MALRD1: variants seen among roughly 807,000 people sequenced by gnomAD.
MALRD1 encodes the protein MAM and LDL receptor class A domain containing 1.
MALRD1 carries 247 observed loss-of-function variants against 242.1 expected under a neutral mutation model. The ratio of observed to expected loss-of-function variants is 1.02; its 90% CI spans 0.92 to 1.13. MALRD1 has a LOEUF of 1.13. Among genes scored for constraint, MALRD1 ranks in the 50% most tolerant of loss-of-function variants. The probability of loss-of-function intolerance (pLI) is 0.00; values close to 1 mark genes in which losing one functional copy is unlikely to be tolerated. For synonymous variants in MALRD1, 995 were observed against 866.6 expected, an observed-to-expected ratio of 1.15 and a Z score of -2.60; for missense variants, 2,989 against 2,533.1, an observed-to-expected ratio of 1.18 and a Z score of -3.86.
intron 33 of MALRD1, among the ~76,000 whole-genome samples, chr10:19,586,415 C>G (rs1016444015): frequency 6.6e-6 from 1 of 152,082 alleles, no homozygotes; most frequent in African/African-American, 2.4e-5. Context: ...GTGTGGATGT[C>G]CTTTCTGTTT....
chr10:19,368,875 GTGTGTGTGTGTGTGTT>G (rs902577440), intron 26 of MALRD1, among the ~76,000 whole-genome samples: 1 of 141,610 alleles, frequency 7.1e-6, no homozygotes, highest in Non-Finnish European at 1.5e-5. Context: ...TTGTGTATGT[GTGTGTGTGTGTGTGTT>G]TGTGTGTGTG....
Position 19,504,714 on chromosome 10 carries a change from C to T in MALRD1, c.5320+6068C>T, listed in dbSNP as rs542339403. ...TTTTTGAGACGGAGTCTCGCTCTGT[C>T]GCCCAGGCCGGACTGCGGACTGCAG... On this transcript the variant is annotated intron_variant, in intron 31 of 39. Transcript: ENST00000454679. Among the ~76,000 whole-genome samples, 11 of 116,246 alleles carry T rather than the reference C, an allele frequency of 9.5e-5. No homozygotes were observed. In the South Asian group the frequency reaches 1.7e-3, roughly 18 times the overall value. 76.3% of individuals were successfully genotyped at this position (116,246 alleles called of 152,430 possible).
At chr10:19,484,074 G>A (rs1837136292) in intron 29 of MALRD1, among the ~76,000 whole-genome samples, 1 of 152,124 alleles carries the variant, frequency 6.6e-6, no homozygotes. Flanking sequence ...TAAACCTTGG[G>A]TGCTCATGGA....
intron 32 of MALRD1, among the ~76,000 whole-genome samples, chr10:19,562,317 A>C (rs1037034589): frequency 1.5e-5 from 2 of 137,326 alleles, no homozygotes; most frequent in African/African-American, 7.1e-5. Flanking sequence ...AGATAGATAG[A>C]TAGATAGATA....
intron 21 of MALRD1, among the ~76,000 whole-genome samples, chr10:19,314,395 G>A (rs1842549949): frequency 6.6e-6 from 1 of 151,572 alleles, no homozygotes; most frequent in Admixed American, 6.6e-5. Context: ...AAGTATTATG[G>A]AAGGAGGACC....
chr10:19,170,160 A>T (rs2131520000), intron 13 of MALRD1, among the ~76,000 whole-genome samples: 1 of 152,310 alleles, frequency 6.6e-6, no homozygotes, highest in African/African-American at 2.4e-5. Flanking sequence ...ACATTTCAAT[A>T]TTCCCTCTAT....
At chr10:19,589,940 A>G (rs963337199) in intron 33 of MALRD1, among the ~76,000 whole-genome samples, 11 of 152,262 alleles carry the variant, frequency 7.2e-5, no homozygotes, top group Admixed American at 2.6e-4. Context: ...GAACAACAAC[A>G]TGAATTCCCA....
At chr10:19,493,373 A>AT (rs1475651688) in intron 30 of MALRD1, 3 of 152,128 alleles carry the variant, frequency 2.0e-5, no homozygotes, top group Non-Finnish European at 4.4e-5. Context: ...AACAATCAAC[A>AT]CATCTTAAGA....
intron 4 of MALRD1, among the ~76,000 whole-genome samples, chr10:19,099,771 T>A (rs896265006): frequency 2.7e-5 from 4 of 149,104 alleles, no homozygotes; most frequent in African/African-American, 7.4e-5. Flanking sequence ...ATATTTTTTT[T>A]AATTTTTTTT....
intron 31 of MALRD1, among the ~76,000 whole-genome samples, chr10:19,529,940 A>G (rs1252405027): frequency 3.3e-5 from 5 of 152,112 alleles, no homozygotes; most frequent in African/African-American, 1.2e-4. Flanking sequence ...TTCTATGTAC[A>G]TGCATAGGAA....
At position 19,352,252 on chromosome 10, in the gene MALRD1, C is replaced by T. The variant is rs1259452947; in HGVS notation, c.4396C>T (p.Leu1466Phe). 5.8e-6 allele frequency: 9 copies of T among 1,550,226 alleles called. No homozygotes were observed. The African/African-American group carries it at 8.2e-5, about 14-fold the overall frequency. Reference sequence around the variant, plus strand: ...TGTGCTTACAGAAAATTGTCTATCACTCCATGATTCCGTGCAAGAAGAACT... The same window carrying T: ...TGTGCTTACAGAAAATTGTCTATCATTCCATGATTCCGTGCAAGAAGAACT... ...DIVLTENCLSLHDSVQEELAV... is the reference protein window; with the variant it reads ...DIVLTENCLSFHDSVQEELAV... Residue 1466 changes from leucine to phenylalanine, a missense_variant, in exon 26 of 40, where the codon CTC becomes TTC. By Grantham distance (22) the Leu-to-Phe change is conservative. Coordinates refer to ENST00000454679, the MANE Select transcript of MALRD1 (RefSeq NM_001142308.3).
intron 28 of MALRD1, among the ~76,000 whole-genome samples, chr10:19,399,576 T>A (rs917502042): frequency 6.6e-6 from 1 of 152,158 alleles, no homozygotes; most frequent in African/African-American, 2.4e-5. Flanking sequence ...CAATTACAGA[T>A]TACAGAGTTG....
At chr10:19,060,666 T>A (rs867526398) in intron 1 of MALRD1, among the ~76,000 whole-genome samples, 12 of 152,322 alleles carry the variant, frequency 7.9e-5, no homozygotes, top group South Asian at 4.1e-4. Flanking sequence ...GGATAGTCTG[T>A]TTTTCCTTGT....
chr10:19,516,716 A>ACTTC (rs150377333), intron 31 of MALRD1, among the ~76,000 whole-genome samples: 11 of 121,446 alleles, frequency 9.1e-5, no homozygotes, highest in Admixed American at 5.7e-4. Context: ...TCCCTTGCTT[A>ACTTC]CCTCCCTCCC....
At chr10:19,111,986 A>G (rs1353291139) in intron 5 of MALRD1, among the ~76,000 whole-genome samples, 1 of 152,120 alleles carries the variant, frequency 6.6e-6, no homozygotes, top group Non-Finnish European at 1.5e-5. Context: ...AGTAGCATTA[A>G]ATTGCCAAAT....
At chr10:19,270,317 T>TTC (rs143248846) in intron 19 of MALRD1, among the ~76,000 whole-genome samples, 1,559 of 132,990 alleles carry the variant, frequency 0.012, 25 homozygotes, top group African/African-American at 0.038. Context: ...TCTCTCTCTC[T>TTC]TCTCTCTCTC....
chr10:19,180,254 C>T (rs912334658), intron 14 of MALRD1, among the ~76,000 whole-genome samples: 1 of 152,170 alleles, frequency 6.6e-6, no homozygotes, highest in Non-Finnish European at 1.5e-5. Flanking sequence ...TGAGAAAAAT[C>T]AGGGCCATTG....
At chr10:19,303,502 T>C (rs2499082) in intron 21 of MALRD1, among the ~76,000 whole-genome samples, 19,484 of 151,718 alleles carry the variant, frequency 0.13, 1,481 homozygotes, top group South Asian at 0.3. Context: ...AGTAAATACA[T>C]AGAATTAATG....
chr10:19,328,773 GA>G (rs1390134647), intron 23 of MALRD1, among the ~76,000 whole-genome samples: 2 of 152,156 alleles, frequency 1.3e-5, no homozygotes, highest in Non-Finnish European at 2.9e-5. Context: ...ATATGCATAA[GA>G]AGGAAGTTCA....
Sources: gnomAD v4.1 joint callset for allele counts (sites outside exome capture counted in the v4.1 genomes callset) on GRCh38, gnomAD v4.1.1 for gene constraint, MANE v1.5 for transcripts, NCBI Gene and HGNC (gene_info 2026-07-23, HGNC 2026-07-21) for gene names.